The following SPTBN4 variants were observed in gnomAD, a reference collection of about 807,000 sequenced individuals.
The protein encoded by SPTBN4 is spectrin beta, non-erythrocytic 4.
A neutral mutation model predicts 277.8 loss-of-function variants in SPTBN4; 96 were observed. The ratio of observed to expected loss-of-function variants is 0.35; its 90% CI spans 0.29 to 0.41. The LOEUF (loss-of-function observed/expected upper bound fraction) is 0.41, where lower values mean the gene tolerates loss of function less well. SPTBN4 is among the 10% of genes least tolerant of loss of function. The pLI is 1.00. For missense variants in SPTBN4, 3,006 were observed against 3,595.7 expected (o/e 0.84, Z 4.19); for synonymous variants, 1,481 against 1,580.3 (o/e 0.94, Z 1.49).
chr19:40,489,690 C>A (rs1043005966), intron 3 of SPTBN4, among the ~76,000 whole-genome samples: 4 of 152,144 alleles, frequency 2.6e-5, no homozygotes, highest in African/African-American at 9.7e-5. Flanking sequence ...GCCGGGGCGG[C>A]CATGGGATTA....
rs749322650 is a variant in SPTBN4, at chr19:40,557,263, C to T, written c.5530C>T (p.Arg1844Ter). 3 of 1,613,670 alleles carry T rather than the reference C, an allele frequency of 1.9e-6. No homozygotes were observed. The highest frequency in any genetic ancestry group is 1.7e-6 in the Non-Finnish European group (2 of 1,179,876). The change falls in exon 26 of 36, where the codon CGA (arginine) becomes TGA (stop). Residue 1844 changes from arginine to a stop codon, truncating the protein, a stop_gained. Coordinates refer to ENST00000598249, the MANE Select transcript of SPTBN4 (RefSeq NM_020971.3). LOFTEE classifies it high-confidence loss of function. ...RELHKFFSDARELQGQIEEKR... is the reference protein window; with the variant it reads ...RELHKFFSDA ...GCTTCATAAGTTCTTCAGTGACGCCCGAGAGCTTCAGGGACAGATTGAGGA... is the reference window on the plus strand; with the variant it reads ...GCTTCATAAGTTCTTCAGTGACGCCTGAGAGCTTCAGGGACAGATTGAGGA...
In SPTBN4 at chr19:40,490,845, T is replaced by C. The variant is rs1172190319; in HGVS notation, c.495+597T>C. On this transcript the variant is annotated intron_variant, in intron 4 of 35. Transcript: ENST00000598249. This position sits in a 1 kb window ranked among gnomAD's most constrained non-coding sequence, Gnocchi z 4.3. ...GGGAGGAACACTAAGGCCAGGAGTT[T>C]GAGACCAGCCTGGCCAACATAATGA... is the stretch of plus-strand genomic sequence containing the variant. Among the ~76,000 whole-genome samples the C allele has an allele frequency of 1.3e-5, 2 of 152,062 alleles. No individual in the cohort carries two copies. Among genetic ancestry groups the C allele is most frequent in the East Asian group, 3.9e-4 (2 of 5,190 alleles).
Position 40,567,782 on chromosome 19 carries a change from C to G in SPTBN4, c.6456C>G (p.Gly2152=). ...CGGCGCCCCTGCTGCGGCCAGGGGG[C>G]TATGAAAGGGGCTTGGAGCCCCTGG... is the stretch of plus-strand genomic sequence containing the variant. The part of the protein sequence containing the change: ...AKAAPLLRPG[G]YERGLEPLAR... The change falls in exon 31 of 36, where the codon GGC becomes GGG. Residue 2152 remains glycine, a synonymous_variant. Transcript: ENST00000598249. The G allele has an allele frequency of 6.6e-7, 1 of 1,522,096 alleles. No homozygotes were observed. Among genetic ancestry groups the G allele is most frequent in the South Asian group, 1.2e-5 (1 of 81,488 alleles). The allele number at this position is 1,522,096 out of a possible 1,614,324, so 94.3% of individuals were successfully genotyped here.
intron 30 of SPTBN4, chr19:40,566,993 A>C: frequency 3.4e-6 from 1 of 296,444 alleles, no homozygotes; most frequent in South Asian, 2.5e-5. Context: ...ACAACAAAAA[A>C]AAACCGCTTA....
chr19:40,485,214 A>G (rs148747246), intron 2 of SPTBN4, among the ~76,000 whole-genome samples: 1 of 152,166 alleles, frequency 6.6e-6, no homozygotes, highest in African/African-American at 2.4e-5. Context: ...CAGTGGCACG[A>G]TCTCGGCTCA....
intron 15 of SPTBN4, among the ~76,000 whole-genome samples, chr19:40,517,453 AC>A (rs2080473866): frequency 6.6e-6 from 1 of 151,850 alleles, no homozygotes; most frequent in Admixed American, 6.6e-5. Context: ...ACACCACTGC[AC>A]CCGGCTAATT....
chr19:40,492,036 CA>C (rs1476237185), intron 4 of SPTBN4, among the ~76,000 whole-genome samples: 1 of 134,884 alleles, frequency 7.4e-6, no homozygotes, highest in South Asian at 2.3e-4. Flanking sequence ...AAAACAAAAA[CA>C]AAACAAAAAA....
intron 20 of SPTBN4, among the ~76,000 whole-genome samples, chr19:40,535,590 A>G (rs1480024880): frequency 6.6e-6 from 1 of 151,576 alleles, no homozygotes; most frequent in African/African-American, 2.4e-5. Context: ...AGTAAGAAAT[A>G]CATAATGACA....
intron 2 of SPTBN4, 62 bp downstream of exon 2, chr19:40,472,852 A>C: frequency 1.3e-5 from 18 of 1,403,132 alleles, no homozygotes; most frequent in Admixed American, 2.3e-5. Context: ...GTGCCCGAGA[A>C]CCTTGGTGGC....
At chr19:40,484,682 C>T (rs542307853) in intron 2 of SPTBN4, among the ~76,000 whole-genome samples, 1 of 151,934 alleles carries the variant, frequency 6.6e-6, no homozygotes, top group Admixed American at 6.6e-5. Context: ...AATCCTAGCA[C>T]TTTGGGAGGC....
chr19:40,482,342 A>T (rs1202771695), intron 2 of SPTBN4, among the ~76,000 whole-genome samples: 5 of 151,968 alleles, frequency 3.3e-5, no homozygotes, highest in Non-Finnish European at 7.4e-5. Context: ...AAGTGCTGGG[A>T]TAATGGGCAT....
intron 27 of SPTBN4, among the ~76,000 whole-genome samples, chr19:40,561,803 CAA>C (rs1295952344): frequency 3.4e-5 from 4 of 118,346 alleles, no homozygotes; most frequent in East Asian, 2.4e-4. Context: ...GCCTGGGTGA[CAA>C]GAGCAAAACT....
intron 20 of SPTBN4, among the ~76,000 whole-genome samples, chr19:40,547,066 C>G (rs1368863211): frequency 6.6e-6 from 1 of 152,044 alleles, no homozygotes; most frequent in Non-Finnish European, 1.5e-5. Context: ...TTCTAGGGTA[C>G]ATGTGCACAA....
Position 40,519,771 on chromosome 19 carries a change from C to A in SPTBN4, c.3274C>A (p.Arg1092Ser). 1.4e-6 allele frequency: 2 copies of A among 1,412,710 alleles called. No homozygotes were observed. The allele number at this position is 1,412,710 out of a possible 1,614,324, so 87.5% of individuals were successfully genotyped here. ...GGTGGCGGCAGCAGGGCGCCTGCAG[C>A]GCTTCCTACATGACCTCGACGCTTT... ...EAVAAAGRLQ[R>S]FLHDLDAFLD... is the part of the protein sequence containing the mutation. The change falls in exon 16 of 36, where the codon CGC becomes AGC. Residue 1092 changes from arginine (R) to serine (S), a missense_variant. By Grantham distance (110) the Arg-to-Ser change is moderately radical. Coordinates refer to ENST00000598249, the MANE Select transcript of SPTBN4 (RefSeq NM_020971.3). The surrounding 1 kb of genome is among the most constrained non-coding windows in gnomAD (Gnocchi z 5.7).
In SPTBN4 at chr19:40,502,104, A is replaced by AC. The variant is rs754706381; in HGVS notation, c.898-18dup. 6.8e-6 allele frequency: 11 copies of AC among 1,612,532 alleles called. No homozygotes were observed. The highest frequency in any genetic ancestry group is 1.7e-5 in the Admixed American group (1 of 59,926). On this transcript the variant is annotated intron_variant, in intron 8 of 35. Transcript: ENST00000598249. The surrounding 1 kb of genome is among the most constrained non-coding windows in gnomAD (Gnocchi z 4.9). ...GGCAGGCACGGGTGGGATGAGGCTG[A>AC]CCCCCCTTCCTCTGCTGTGTCAGGT...
At chr19:40,481,979 C>T (rs980085034) in intron 2 of SPTBN4, among the ~76,000 whole-genome samples, 5 of 151,738 alleles carry the variant, frequency 3.3e-5, no homozygotes, top group Admixed American at 3.3e-4. Flanking sequence ...CTCTGTTGCC[C>T]AGGCTGGAGT....
intron 5 of SPTBN4, 133 bp from the exon 6 acceptor site, chr19:40,494,764 A>T (rs1483877577): frequency 2.7e-6 from 2 of 737,998 alleles, no homozygotes; most frequent in African/African-American, 1.8e-5. Context: ...CCACCCATCC[A>T]TCCATCTTTC....
chr19:40,561,902 G>A (rs1020223086), intron 27 of SPTBN4, among the ~76,000 whole-genome samples: 21 of 152,158 alleles, frequency 1.4e-4, no homozygotes, highest in African/African-American at 4.8e-4. Flanking sequence ...ATGATAGCTG[G>A]CAAAGTCTCT....
chr19:40,506,130 T>G, intron 12 of SPTBN4, 106 bp from the exon 13 acceptor site: 1 of 1,420,102 alleles, frequency 7.0e-7, no homozygotes. Context: ...AGGGTCAGAG[T>G]CGGGAGTGAT....
Sources: gnomAD v4.1 joint callset for allele counts (sites outside exome capture counted in the v4.1 genomes callset) on GRCh38, gnomAD v4.1.1 for gene constraint, Gnocchi (gnomAD v3.1) non-coding constraint, MANE v1.5 for transcripts, NCBI Gene and HGNC (gene_info 2026-07-23, HGNC 2026-07-21) for gene names.